The following C2orf42 variants were observed in gnomAD, a reference collection of about 807,000 sequenced individuals.
C2orf42 encodes the protein uncharacterized protein C2orf42.
C2orf42 carries 44 observed loss-of-function variants against 58.9 expected under a neutral mutation model. The ratio of observed to expected loss-of-function variants is 0.75; its 90% CI spans 0.59 to 0.96. C2orf42 has a LOEUF of 0.96. C2orf42 is among the 40% of genes least tolerant of loss of function. C2orf42 has a pLI of 0.00. For missense variants in C2orf42, 630 were observed against 699.2 expected, an observed-to-expected ratio of 0.90 and a Z score of 1.12; for synonymous variants, 239 against 265.4, an observed-to-expected ratio of 0.90 and a Z score of 0.97.
rs113124224 is a variant in C2orf42, at chr2:70,189,296, C to T, written c.-282+1677G>A. On this transcript the variant is annotated intron_variant, in intron 1 of 9. Coordinates refer to ENST00000264434, the MANE Select transcript of C2orf42 (RefSeq NM_017880.3). ...TGACGTATGCCTGTAATCCCAGCTACTCCGGAGGCTGAGGCAGGAGGATCG... is the reference window on the plus strand; with the variant it reads ...TGACGTATGCCTGTAATCCCAGCTATTCCGGAGGCTGAGGCAGGAGGATCG... Among the ~76,000 whole-genome samples the T allele has an allele frequency of 4.7e-3, 699 of 150,130 alleles. 5 individuals carry two copies. The highest frequency in any genetic ancestry group is 0.016 in the African/African-American group (662 of 40,830).
chr2:70,173,790 TTTG>T (rs1278614735), intron 5 of C2orf42, among the ~76,000 whole-genome samples: 4 of 151,958 alleles, frequency 2.6e-5, no homozygotes, highest in African/African-American at 9.7e-5. Flanking sequence ...CTAATTTTTT[TTTG>T]TTTTTTGTGT....
At chr2:70,153,505 C>A (rs1364856373) in intron 9 of C2orf42, among the ~76,000 whole-genome samples, 1 of 151,052 alleles carries the variant, frequency 6.6e-6, no homozygotes, top group East Asian at 2.0e-4. Context: ...ACTACAGGCG[C>A]CCGCCACCAC....
In C2orf42 at chr2:70,169,603, G is replaced by A. The variant is rs1553408857; in HGVS notation, c.1098C>T (p.Ala366=). ...TTTGATGGATGCGTTCTGTGACACT[G>A]GCCAGCCAGTCTTGGAAGGATAAAG... is the stretch of plus-strand genomic sequence containing the variant. ...QVTLSFQDWL[A]SVTERIHQTM... is the part of the protein sequence containing the mutation. Residue 366 remains alanine (A), a synonymous_variant, in exon 6 of 10, where the codon GCC becomes GCT. Transcript: ENST00000264434. The A allele has an allele frequency of 6.2e-7, 1 of 1,611,182 alleles. No homozygotes were observed. Among genetic ancestry groups the A allele is most frequent in the Non-Finnish European group, 8.5e-7 (1 of 1,177,512 alleles).
chr2:70,182,822 T>C lies in C2orf42; in HGVS notation c.-168A>G, dbSNP rs936734803. The C allele has an allele frequency of 2.6e-5, 4 of 152,240 alleles. No individual in the cohort carries two copies. Among genetic ancestry groups the C allele is most frequent in the African/African-American group, 9.6e-5 (4 of 41,472 alleles). The allele number at this position is 152,240 out of a possible 1,614,324, so 9.4% of individuals were successfully genotyped here. On this transcript the variant is annotated 5_prime_UTR_variant, in exon 2 of 10. Coordinates refer to ENST00000264434, the MANE Select transcript of C2orf42 (RefSeq NM_017880.3). ...AAAATCTTCTGAAGTTTGAGCTGTA[T>C]GGTGTAACAATGCAGACATTCTGCC...
chr2:70,169,095 G>A (rs991765404), intron 6 of C2orf42, among the ~76,000 whole-genome samples: 5 of 148,986 alleles, frequency 3.4e-5, no homozygotes, highest in South Asian at 2.2e-4. Flanking sequence ...ACAGGGTCTC[G>A]CTTCGTTTCC....
At position 70,160,650 on chromosome 2, in the gene C2orf42, C is replaced by A. The variant is rs1479431598; in HGVS notation, c.1491G>T (p.Leu497Phe). The change falls in exon 9 of 10, where the codon TTG becomes TTT. Residue 497 changes from leucine to phenylalanine, a missense_variant. Transcript: ENST00000264434. The stretch of plus-strand genomic sequence containing the variant: ...CAACTTTGAGAAAAGTTTTTAGTTC[C>A]AAGGGTCGCAGCACTGGTTGTTTTT... ...RIEKQPVLRP[L>F]ELKTFLKVGN... is the part of the protein sequence containing the mutation. The A allele has an allele frequency of 6.3e-7, 1 of 1,599,456 alleles. No individual in the cohort carries two copies. Among genetic ancestry groups the A allele is most frequent in the Non-Finnish European group, 8.5e-7 (1 of 1,176,400 alleles).
intron 8 of C2orf42, among the ~76,000 whole-genome samples, chr2:70,163,787 T>C (rs1293478291): frequency 6.6e-6 from 1 of 151,720 alleles, no homozygotes; most frequent in Non-Finnish European, 1.5e-5. Flanking sequence ...GAGGTGGAGG[T>C]TACAGTGAGC....
At chr2:70,183,946 T>C (rs1674754141) in intron 1 of C2orf42, among the ~76,000 whole-genome samples, 1 of 151,934 alleles carries the variant, frequency 6.6e-6, no homozygotes, top group African/African-American at 2.4e-5. Context: ...GCTGAAACTA[T>C]AGGTACATGC....
At chr2:70,165,429 A>T (rs1004066125) in intron 7 of C2orf42, 99 bp downstream of exon 7, 1 of 736,942 alleles carries the variant, frequency 1.4e-6, no homozygotes. Flanking sequence ...AGAAGTCCTA[A>T]CTCTGAATAC....
At chr2:70,183,058 G>C (rs566290315) in intron 1 of C2orf42, 123 bp from the exon 2 acceptor site, 1 of 152,300 alleles carries the variant, frequency 6.6e-6, no homozygotes, top group African/African-American at 2.4e-5. Context: ...TGACAGAAAT[G>C]ATTATGGAAA....
chr2:70,157,659 T>A (rs1313906772), intron 9 of C2orf42, among the ~76,000 whole-genome samples: 2 of 150,606 alleles, frequency 1.3e-5, no homozygotes, highest in African/African-American at 4.9e-5. Context: ...TAGCAGGGTG[T>A]GGTGGCATAC....
At chr2:70,177,183 A>C (rs1674247439) in intron 4 of C2orf42, among the ~76,000 whole-genome samples, 1 of 151,984 alleles carries the variant, frequency 6.6e-6, no homozygotes, top group Non-Finnish European at 1.5e-5. Flanking sequence ...GAGGCAGGAG[A>C]ATCACTTGAA....
chr2:70,152,773 G>A (rs929953170), intron 9 of C2orf42, among the ~76,000 whole-genome samples: 1 of 152,168 alleles, frequency 6.6e-6, no homozygotes, highest in Non-Finnish European at 1.5e-5. Flanking sequence ...AGTCGCTCAC[G>A]TCTGTAAACC....
Position 70,182,874 on chromosome 2 carries a change from A to G in C2orf42, c.-220T>C, listed in dbSNP as rs1159533229. 6.6e-6 allele frequency: 1 copy of G among 152,234 alleles called. No homozygotes were observed. The highest frequency in any genetic ancestry group is 1.9e-4 in the East Asian group (1 of 5,200). 9.4% of individuals were successfully genotyped at this position (152,234 alleles called of 1,614,324 possible). On this transcript the variant is annotated 5_prime_UTR_variant, in exon 2 of 10. Coordinates refer to ENST00000264434, the MANE Select transcript of C2orf42 (RefSeq NM_017880.3). Reference sequence around the variant, plus strand: ...CCTCCTTCTCCACCAGCCAATGGCAAAGCTTCTGCCCAATGTTCCGCAAAT... The same window carrying G: ...CCTCCTTCTCCACCAGCCAATGGCAGAGCTTCTGCCCAATGTTCCGCAAAT...
Position 70,161,509 on chromosome 2 carries a change from C to A in C2orf42, c.1354-722G>T, listed in dbSNP as rs1417801351. Among the ~76,000 whole-genome samples, 6 of 152,142 alleles carry A rather than the reference C, an allele frequency of 3.9e-5. No homozygotes were observed. The East Asian group carries it at 1.2e-3, about 29-fold the overall frequency. On this transcript the variant is annotated intron_variant, in intron 8 of 9. Transcript: ENST00000264434. ...TCCTCAAGTGTTTTTAATGCCAACA[C>A]AGCCCTTTTCTAGGGTTCACATGTA...
At chr2:70,161,700 C>G (rs1350778289) in intron 8 of C2orf42, among the ~76,000 whole-genome samples, 3 of 151,766 alleles carry the variant, frequency 2.0e-5, no homozygotes, top group Admixed American at 6.6e-5. Flanking sequence ...ATTAGCCAGG[C>G]GTGGTGGCAG....
At chr2:70,157,341 C>G (rs558756492) in intron 9 of C2orf42, among the ~76,000 whole-genome samples, 1 of 152,186 alleles carries the variant, frequency 6.6e-6, no homozygotes, top group East Asian at 1.9e-4. Flanking sequence ...GTAGTCCCAG[C>G]TACTCAGGAG....
chr2:70,185,728 T>C (rs938118311), intron 1 of C2orf42, among the ~76,000 whole-genome samples: 28 of 150,734 alleles, frequency 1.9e-4, no homozygotes, highest in African/African-American at 6.1e-4. Flanking sequence ...AAAATATATA[T>C]ATATACACAC....
intron 4 of C2orf42, among the ~76,000 whole-genome samples, chr2:70,177,406 C>T (rs977466168): frequency 3.3e-5 from 5 of 152,090 alleles, no homozygotes; most frequent in African/African-American, 1.2e-4. Flanking sequence ...CGCCACTGCA[C>T]AATCCAGAGC....
Sources: gnomAD v4.1 joint callset for allele counts (sites outside exome capture counted in the v4.1 genomes callset) on GRCh38, gnomAD v4.1.1 for gene constraint, MANE v1.5 for transcripts, NCBI Gene and HGNC (gene_info 2026-07-23, HGNC 2026-07-21) for gene names.